XIRP2: variants seen among roughly 807,000 people sequenced by gnomAD.
The protein encoded by XIRP2 is xin actin-binding repeat-containing protein 2.
Under a neutral mutation model 277.0 loss-of-function variants are expected in XIRP2, and 236 were observed. That is an observed-to-expected ratio of 0.85 (90% CI 0.77 to 0.95). The LOEUF (loss-of-function observed/expected upper bound fraction) is 0.95, where lower values mean the gene tolerates loss of function less well. Among genes scored for constraint, XIRP2 ranks in the 40% least tolerant of loss-of-function variants. The probability of loss-of-function intolerance (pLI) is 0.00; values close to 1 mark genes in which losing one functional copy is unlikely to be tolerated. For missense variants in XIRP2, 4,640 were observed against 4,157.5 expected (o/e 1.12, Z -3.19); for synonymous variants, 1,490 against 1,416.5 (o/e 1.05, Z -1.17).
intron 2 of XIRP2, among the ~76,000 whole-genome samples, chr2:167,000,646 T>C (rs1687341363): frequency 6.6e-6 from 1 of 152,090 alleles, no homozygotes; most frequent in Non-Finnish European, 1.5e-5. Flanking sequence ...TTTGAAAAGT[T>C]GGTTATAAAG....
At chr2:167,138,412 T>A (rs970192969) in intron 3 of XIRP2, among the ~76,000 whole-genome samples, 1 of 152,188 alleles carries the variant, frequency 6.6e-6, no homozygotes, top group Non-Finnish European at 1.5e-5. Flanking sequence ...AAAGGTGCTA[T>A]GATTTTCCCC....
intron 3 of XIRP2, among the ~76,000 whole-genome samples, chr2:167,198,022 CA>C (rs1693567419): frequency 6.6e-6 from 1 of 152,086 alleles, no homozygotes; most frequent in African/African-American, 2.4e-5. Flanking sequence ...ACATTTATAG[CA>C]TTAGGTTTTG....
At chr2:166,963,040 T>C (rs1473525785) in intron 2 of XIRP2, among the ~76,000 whole-genome samples, 1 of 151,686 alleles carries the variant, frequency 6.6e-6, no homozygotes, top group East Asian at 1.9e-4. Context: ...ATGATAAATG[T>C]CTGAGATTAC....
At chr2:167,202,857 A>G (rs866167313) in intron 3 of XIRP2, among the ~76,000 whole-genome samples, 2 of 152,344 alleles carry the variant, frequency 1.3e-5, no homozygotes, top group Middle Eastern at 6.8e-3. Flanking sequence ...GGCTGTGCCA[A>G]GCTTCCTCCA....
At position 166,922,341 on chromosome 2, in the gene XIRP2, A is replaced by G. The variant is rs1056233762; in HGVS notation, c.408+18451A>G. 2.6e-5 allele frequency among the ~76,000 whole-genome samples: 4 copies of G among 152,252 alleles called. No homozygotes were observed. The East Asian group carries it at 7.7e-4, about 29-fold the overall frequency. ...TTTGTCCTACTGTAGAAAATGTTAC[A>G]TAATAATCAATGATAGCCCATTTCT... On this transcript the variant is annotated intron_variant, in intron 2 of 10. Transcript: ENST00000409195.
Position 167,245,478 on chromosome 2 carries a change from T to A in XIRP2, c.4086T>A (p.Ile1362=). ...TTGAAACAAAGCCATTAGACTCTAT[T>A]AATAAATCAGAAACTGTGTATGTTA... is the stretch of plus-strand genomic sequence containing the variant. ...WLFETKPLDS[I]NKSETVYVIK... is the part of the protein sequence containing the mutation. Residue 1362 remains isoleucine, a synonymous_variant, in exon 9 of 11, where the codon ATT becomes ATA. Coordinates refer to ENST00000409195, the MANE Select transcript of XIRP2 (RefSeq NM_152381.6). The A allele has an allele frequency of 3.1e-6, 5 of 1,613,586 alleles. No individual in the cohort carries two copies. The highest frequency in any genetic ancestry group is 4.2e-6 in the Non-Finnish European group (5 of 1,179,730).
At position 167,246,379 on chromosome 2, in the gene XIRP2, A is replaced by G. The variant is rs750678958; in HGVS notation, c.4987A>G (p.Ile1663Val). The change falls in exon 9 of 11, where the codon ATA (isoleucine) becomes GTA (valine). Residue 1663 changes from isoleucine to valine, a missense_variant. Physicochemically the swap from Ile to Val is conservative, Grantham distance 29. Transcript: ENST00000409195. The stretch of plus-strand genomic sequence containing the variant: ...AGTGAAAGGTGATGTACAACAAGCA[A>G]TAAAAAACCTGTTCTCTGAGGAAAG... ...EIVKGDVQQA[I>V]KNLFSEERSV... 2.5e-6 allele frequency: 4 copies of G among 1,613,438 alleles called. No homozygotes were observed. The highest frequency in any genetic ancestry group is 3.4e-6 in the Non-Finnish European group (4 of 1,179,726).
intron 2 of XIRP2, among the ~76,000 whole-genome samples, chr2:166,989,051 A>T (rs1687100062): frequency 6.3e-5 from 5 of 79,896 alleles, no homozygotes; most frequent in African/African-American, 3.1e-4. Context: ...ACCTCTGCAG[A>T]CTTAAGTGTC....
At chr2:167,006,100 C>T (rs1687496143) in intron 2 of XIRP2, among the ~76,000 whole-genome samples, 1 of 151,920 alleles carries the variant, frequency 6.6e-6, no homozygotes, top group South Asian at 2.1e-4. Context: ...ATTCCAGAAT[C>T]TACCATGGTG....
At chr2:167,010,388 G>A (rs1246637205) in intron 2 of XIRP2, among the ~76,000 whole-genome samples, 1 of 151,652 alleles carries the variant, frequency 6.6e-6, no homozygotes. Context: ...GTAGATATGT[G>A]GCGTTATTTC....
intron 3 of XIRP2, among the ~76,000 whole-genome samples, chr2:167,200,746 C>A (rs1467232086): frequency 6.6e-6 from 1 of 151,966 alleles, no homozygotes; most frequent in Non-Finnish European, 1.5e-5. Context: ...ATTAATTTGT[C>A]TCCAGGTCTG....
rs1282709660 is a variant in XIRP2, at chr2:167,113,559, G to A, written c.409-22350G>A. 3.3e-5 allele frequency among the ~76,000 whole-genome samples: 5 copies of A among 152,116 alleles called. No homozygotes were observed. In the East Asian group the frequency reaches 9.7e-4, roughly 29 times the overall value. ...GTCATTGCATGTGAGTGGGTCTCTT[G>A]AAGATAGCATACCATCTGGCCCTGC... On this transcript the variant is annotated intron_variant, in intron 2 of 10. Coordinates refer to ENST00000409195, the MANE Select transcript of XIRP2 (RefSeq NM_152381.6).
intron 2 of XIRP2, among the ~76,000 whole-genome samples, chr2:167,127,595 G>T (rs1345784341): frequency 2.0e-5 from 3 of 152,094 alleles, no homozygotes; most frequent in Admixed American, 6.6e-5. Context: ...TCTTACTGTT[G>T]AGACTACCAC....
chr2:167,003,408 T>C (rs964482689), intron 2 of XIRP2, among the ~76,000 whole-genome samples: 1 of 151,826 alleles, frequency 6.6e-6, no homozygotes, highest in Non-Finnish European at 1.5e-5. Flanking sequence ...GTTGGGGGGT[T>C]AGAAACCTTC....
At chr2:167,029,475 T>C (rs1008175595) in intron 2 of XIRP2, among the ~76,000 whole-genome samples, 13 of 152,136 alleles carry the variant, frequency 8.5e-5, no homozygotes, top group African/African-American at 3.1e-4. Context: ...ATGTGGTTTT[T>C]GCCATTGGTT....
At chr2:167,136,373 A>G (rs1691552371) in intron 3 of XIRP2, among the ~76,000 whole-genome samples, 2 of 152,198 alleles carry the variant, frequency 1.3e-5, no homozygotes, top group African/African-American at 2.4e-5. Flanking sequence ...CTTTTGTGAA[A>G]ATAAAAGGAA....
intron 2 of XIRP2, among the ~76,000 whole-genome samples, chr2:166,922,086 T>A (rs374137882): frequency 6.6e-6 from 1 of 152,176 alleles, no homozygotes. Context: ...AATATTTTGG[T>A]AACAAGCTAT....
chr2:167,037,826 C>G (rs1456553365), intron 2 of XIRP2, among the ~76,000 whole-genome samples: 1 of 151,798 alleles, frequency 6.6e-6, no homozygotes, highest in Non-Finnish European at 1.5e-5. Context: ...TCAGTAGCAA[C>G]TACAATAGGC....
intron 2 of XIRP2, among the ~76,000 whole-genome samples, chr2:167,009,305 T>C (rs568285203): frequency 2.0e-5 from 3 of 147,286 alleles, no homozygotes; most frequent in African/African-American, 7.5e-5. Context: ...TGAGTGAGAA[T>C]ATGTGGTGTT....
Sources: allele counts gnomAD v4.1 joint callset (sites outside exome capture counted in the v4.1 genomes callset), GRCh38; gene constraint gnomAD v4.1.1; transcripts MANE v1.5; gene names NCBI Gene and HGNC (gene_info 2026-07-23, HGNC 2026-07-21).